DMXL2: variants seen among roughly 807,000 people sequenced by gnomAD.
The protein encoded by DMXL2 is dmX-like protein 2.
In DMXL2, 103 loss-of-function variants were observed where a neutral mutation model predicts 331.1. The ratio of observed to expected loss-of-function variants is 0.31; its 90% confidence interval spans 0.27 to 0.37. DMXL2 has a LOEUF of 0.37. Among genes scored for constraint, DMXL2 ranks in the 10% least tolerant of loss-of-function variants. The pLI, the probability that DMXL2 is intolerant of heterozygous loss-of-function variation, is 1.00. For missense variants in DMXL2, 3,171 were observed against 3,642.9 expected (o/e 0.87, Z 3.33); for synonymous variants, 1,281 against 1,252.1 (o/e 1.02, Z -0.49).
chr15:51,449,410 C>A (rs911651632), intron 43 of DMXL2, among the ~76,000 whole-genome samples: 1 of 152,148 alleles, frequency 6.6e-6, no homozygotes, highest in African/African-American at 2.4e-5. Flanking sequence ...CCTCTTGTGG[C>A]TTCATATTAA....
At chr15:51,457,197 C>T (rs2039705738) in intron 37 of DMXL2, 131 bp downstream of exon 37, 2 of 957,178 alleles carry the variant, frequency 2.1e-6, no homozygotes, top group Non-Finnish European at 3.0e-6. Flanking sequence ...CAATAAATGT[C>T]AGCTGTCATT....
At chr15:51,581,286 T>C (rs1165740417) in intron 1 of DMXL2, among the ~76,000 whole-genome samples, 2 of 152,200 alleles carry the variant, frequency 1.3e-5, no homozygotes, top group Non-Finnish European at 2.9e-5. Flanking sequence ...ATAAACATAA[T>C]GTGCTTGAAT....
rs79163194 is a variant in DMXL2 at position 51,480,431 on chromosome 15, A to G, written c.6564+111T>C. On this transcript the variant is annotated intron_variant, in intron 24 of 43. Coordinates refer to ENST00000560891, the MANE Select transcript of DMXL2 (RefSeq NM_001378457.1). ...TGCCTCCTATAAAGAGAGGAGCTGA[A>G]CATATTTAGATTAACTAGTAAAAAG... 1.2e-3 allele frequency: 1,547 copies of G among 1,295,764 alleles called. 46 individuals carry two copies. The East Asian group carries it at 0.037, about 31-fold the overall frequency. 80.3% of individuals were successfully genotyped at this position (1,295,764 alleles called of 1,614,324 possible).
intron 16 of DMXL2, among the ~76,000 whole-genome samples, chr15:51,503,706 G>T (rs895310725): frequency 5.9e-5 from 9 of 152,038 alleles, no homozygotes; most frequent in Non-Finnish European, 1.2e-4. Context: ...AGCTAGAAGA[G>T]AAGATCTGAA....
In DMXL2 at chr15:51,536,365, T is replaced by C. The variant is rs749067748; in HGVS notation, c.2115A>G (p.Gln705=). The C allele has an allele frequency of 1.2e-5, 20 of 1,613,740 alleles. No homozygotes were observed. In the Admixed American group the frequency reaches 3.2e-4, roughly 26 times the overall value. Residue 705 remains glutamine (Q), a synonymous_variant, in exon 12 of 44, where the codon CAA becomes CAG. Transcript: ENST00000560891. ...TACGAGTTGCTGCATTTCTAAGAGG[T>C]TGTTTCGAGGAACCTTTTATATGTT... ...PVKHIKGSSK[Q]PLRNAATRTF...
intron 2 of DMXL2, among the ~76,000 whole-genome samples, chr15:51,569,974 T>C (rs1334824452): frequency 6.6e-6 from 1 of 151,968 alleles, no homozygotes; most frequent in Non-Finnish European, 1.5e-5. Context: ...CTTCAGAAGG[T>C]GGGTAATAAC....
chr15:51,477,109 T>C (rs2140344059), intron 26 of DMXL2, among the ~76,000 whole-genome samples: 1 of 152,192 alleles, frequency 6.6e-6, no homozygotes, highest in African/African-American at 2.4e-5. Flanking sequence ...TTGCATTTCT[T>C]TTCTCTGCAA....
At chr15:51,514,356 A>C in intron 15 of DMXL2, 86 bp downstream of exon 15, 1 of 749,646 alleles carries the variant, frequency 1.3e-6, no homozygotes, top group East Asian at 2.9e-5. Context: ...GAGAGTGGTA[A>C]CTTTTGAAGA....
intron 1 of DMXL2, among the ~76,000 whole-genome samples, chr15:51,614,833 T>C (rs1322928630): frequency 6.6e-6 from 1 of 152,172 alleles, no homozygotes; most frequent in African/African-American, 2.4e-5. Flanking sequence ...GCTAACAAGA[T>C]TTTATTTGTA....
At chr15:51,461,977 C>G (rs1448954336) in intron 33 of DMXL2, among the ~76,000 whole-genome samples, 2 of 152,184 alleles carry the variant, frequency 1.3e-5, no homozygotes, top group Non-Finnish European at 2.9e-5. Flanking sequence ...ATTTCCCTAA[C>G]AAAGTCACAT....
intron 17 of DMXL2, among the ~76,000 whole-genome samples, chr15:51,501,018 A>C (rs1480777823): frequency 6.6e-6 from 1 of 152,210 alleles, no homozygotes; most frequent in African/African-American, 2.4e-5. Context: ...TACTATTGTC[A>C]AATAAGACAT....
chr15:51,593,626 A>C (rs1476413991), intron 1 of DMXL2, among the ~76,000 whole-genome samples: 2 of 152,132 alleles, frequency 1.3e-5, no homozygotes, highest in East Asian at 1.9e-4. Flanking sequence ...TTCTCAGCAC[A>C]ACACCGCACT....
intron 20 of DMXL2, 135 bp downstream of exon 20, chr15:51,491,442 CA>C (rs879258329): frequency 0.16 from 96,880 of 606,192 alleles, no homozygotes; most frequent in South Asian, 0.23. Context: ...ATTCCATCTC[CA>C]AAAAAAAAAA....
At position 51,488,588 on chromosome 15, in the gene DMXL2, G is replaced by C. The variant is rs754430516; in HGVS notation, c.5011C>G (p.Leu1671Val). ...ACTACTGCTTTCTTCTTCATTGAAA[G>C]GTAGAATAGTGCAGCATCTAAGGCA... Reference protein sequence around the residue: ...NDALDAALFYLSMKKKAVVWG... With the variant: ...NDALDAALFYVSMKKKAVVWG... The change falls in exon 21 of 44, where the codon CTT (leucine) becomes GTT (valine). Residue 1671 changes from leucine to valine, a missense_variant. Leu to Val is a conservative substitution (Grantham distance 32, BLOSUM62 1). This residue lies in a region of DMXL2 where 252 missense variants were observed against 387.4 expected (regional missense o/e 0.65). Transcript: ENST00000560891. The C allele has an allele frequency of 6.2e-7, 1 of 1,613,450 alleles. No homozygotes were observed. Among genetic ancestry groups the C allele is most frequent in the East Asian group, 2.2e-5 (1 of 44,824 alleles).
At chr15:51,588,994 C>T (rs2052080349) in intron 1 of DMXL2, among the ~76,000 whole-genome samples, 1 of 152,152 alleles carries the variant, frequency 6.6e-6, no homozygotes, top group African/African-American at 2.4e-5. Context: ...CGTAGGTAAG[C>T]AGGCACAGTA....
chr15:51,511,508 TA>T (rs1460269307), intron 15 of DMXL2, among the ~76,000 whole-genome samples: 1 of 152,152 alleles, frequency 6.6e-6, no homozygotes, highest in Non-Finnish European at 1.5e-5. Flanking sequence ...TCATGCCAGT[TA>T]GGATGGCAAT....
Position 51,458,251 on chromosome 15 carries a change from C to T in DMXL2, c.8198+255G>A, listed in dbSNP as rs554151790. Among the ~76,000 whole-genome samples the T allele has an allele frequency of 2.0e-5, 3 of 152,260 alleles. No individual in the cohort carries two copies. In the East Asian group the frequency reaches 5.8e-4, roughly 29 times the overall value. ...TAATTATCCAGATCAGATTAATTTA[C>T]TGAATATCATGAAGCCAAGTGTTAG... On this transcript the variant is annotated intron_variant, in intron 36 of 43. Transcript: ENST00000560891.
At chr15:51,515,610 A>G (rs939591032) in intron 14 of DMXL2, among the ~76,000 whole-genome samples, 4 of 152,228 alleles carry the variant, frequency 2.6e-5, no homozygotes, top group Admixed American at 6.5e-5. Context: ...TAGAAATCAT[A>G]CAACACATTG....
chr15:51,461,031 C>A (rs1009400002), intron 33 of DMXL2, among the ~76,000 whole-genome samples: 1 of 152,134 alleles, frequency 6.6e-6, no homozygotes, highest in African/African-American at 2.4e-5. Flanking sequence ...ACAGAAAGTT[C>A]TATGGGACAG....
Sources: allele counts gnomAD v4.1 joint callset (sites outside exome capture counted in the v4.1 genomes callset), GRCh38; gene constraint gnomAD v4.1.1; regional missense constraint gnomAD v4.1.1; transcripts MANE v1.5; gene names NCBI Gene and HGNC (gene_info 2026-07-23, HGNC 2026-07-21).